SND1: variants seen among roughly 807,000 people sequenced by gnomAD.
SND1 encodes the protein staphylococcal nuclease and tudor domain containing 1, also known as staphylococcal nuclease domain-containing protein 1.
Under a neutral mutation model 121.7 loss-of-function variants are expected in SND1, and 38 were observed. The ratio of observed to expected loss-of-function variants is 0.31; its 90% CI spans 0.24 to 0.41. The LOEUF is 0.41. SND1 is among the 10% of genes least tolerant of loss of function. The probability of loss-of-function intolerance (pLI) is 1.00; values close to 1 mark genes in which losing one functional copy is unlikely to be tolerated. For synonymous variants in SND1, 401 were observed against 447.4 expected (o/e 0.90, Z 1.31); for missense variants, 868 against 1,184.6 (o/e 0.73, Z 3.92).
At chr7:127,830,537 A>G (rs1271212589) in intron 11 of SND1, among the ~76,000 whole-genome samples, 1 of 152,104 alleles carries the variant, frequency 6.6e-6, no homozygotes, top group Admixed American at 6.6e-5. Flanking sequence ...GGATTACATC[A>G]TATTTATCAT....
chr7:127,865,206 G>A (rs1764270150), intron 12 of SND1, among the ~76,000 whole-genome samples: 1 of 152,150 alleles, frequency 6.6e-6, no homozygotes, highest in African/African-American at 2.4e-5. Flanking sequence ...ACATATGGTG[G>A]GTTCCTTCAA....
intron 9 of SND1, among the ~76,000 whole-genome samples, chr7:127,709,004 A>G (rs1796253630): frequency 6.6e-6 from 1 of 152,102 alleles, no homozygotes; most frequent in Non-Finnish European, 1.5e-5. Flanking sequence ...ATGATGCCCA[A>G]AGTAATAGGT....
intron 10 of SND1, among the ~76,000 whole-genome samples, chr7:127,747,268 C>T (rs749936184): frequency 3.3e-5 from 5 of 152,170 alleles, no homozygotes; most frequent in Non-Finnish European, 5.9e-5. Flanking sequence ...GTCAAAGGCC[C>T]TGGATCCTAT....
At chr7:127,821,519 T>C (rs1798548717) in intron 11 of SND1, among the ~76,000 whole-genome samples, 1 of 152,236 alleles carries the variant, frequency 6.6e-6, no homozygotes, top group Admixed American at 6.5e-5. Context: ...CTCTGTGTCC[T>C]TGTTTTTTTC....
intron 16 of SND1, among the ~76,000 whole-genome samples, chr7:128,050,067 G>C (rs774612386): frequency 3.9e-5 from 6 of 152,168 alleles, no homozygotes; most frequent in Non-Finnish European, 8.8e-5. Flanking sequence ...CTGGGTTTTC[G>C]TAAGAAGACT....
intron 11 of SND1, among the ~76,000 whole-genome samples, chr7:127,828,887 G>A (rs1159179827): frequency 6.6e-6 from 1 of 152,012 alleles, no homozygotes; most frequent in African/African-American, 2.4e-5. Flanking sequence ...GAGCTCCCTG[G>A]GTCATTTTTG....
At chr7:128,030,756 G>C in intron 16 of SND1, 1 of 1,310,834 alleles carries the variant, frequency 7.6e-7, no homozygotes, top group African/African-American at 1.5e-5. Flanking sequence ...GAAGGAGGTG[G>C]GGAGGGGGCG....
chr7:128,006,132 C>T (rs1360571474), intron 16 of SND1, among the ~76,000 whole-genome samples: 1 of 152,120 alleles, frequency 6.6e-6, no homozygotes, highest in East Asian at 1.9e-4. Context: ...AGGAAGTGTT[C>T]TTGTTCTTAG....
chr7:127,656,648 G>A (rs1795214957), intron 1 of SND1, among the ~76,000 whole-genome samples: 1 of 152,162 alleles, frequency 6.6e-6, no homozygotes, highest in Admixed American at 6.5e-5. Context: ...GTTCAGTGGG[G>A]ACAGAGAAGT....
rs374381008 is a variant in SND1 at position 127,747,637 on chromosome 7, A to G, written c.1152+26237A>G. On this transcript the variant is annotated intron_variant, in intron 10 of 23. Coordinates refer to ENST00000354725, the MANE Select transcript of SND1 (RefSeq NM_014390.4). ...TCAGCACCTGGTTGTGACATATTTGACAAGACTGAACATCAGTGCTTTAAG... is the reference window on the plus strand; with the variant it reads ...TCAGCACCTGGTTGTGACATATTTGGCAAGACTGAACATCAGTGCTTTAAG... Among the ~76,000 whole-genome samples, 3 of 152,166 alleles carry G rather than the reference A, an allele frequency of 2.0e-5. No homozygotes were observed. The East Asian group carries it at 5.8e-4, about 29-fold the overall frequency.
chr7:127,880,313 T>G (rs1339040087), intron 12 of SND1, among the ~76,000 whole-genome samples: 2 of 152,162 alleles, frequency 1.3e-5, no homozygotes, highest in African/African-American at 2.4e-5. Flanking sequence ...AGGTTAAACT[T>G]TATTATAGGT....
chr7:127,818,932 T>C (rs1798496949), intron 11 of SND1, among the ~76,000 whole-genome samples: 1 of 152,210 alleles, frequency 6.6e-6, no homozygotes, highest in Non-Finnish European at 1.5e-5. Context: ...CACGTGCAGC[T>C]AGAGAGCTGG....
intron 11 of SND1, among the ~76,000 whole-genome samples, chr7:127,832,368 T>C (rs1287154888): frequency 1.3e-5 from 2 of 152,162 alleles, no homozygotes; most frequent in African/African-American, 2.4e-5. Flanking sequence ...TTTAGACTCC[T>C]GCCAACAGTG....
At chr7:127,659,155 T>C (rs1212640775) in intron 1 of SND1, among the ~76,000 whole-genome samples, 1 of 152,256 alleles carries the variant, frequency 6.6e-6, no homozygotes, top group African/African-American at 2.4e-5. Context: ...ACCCGGTTTC[T>C]GTTGCTACTT....
At chr7:127,926,639 G>A (rs893920525) in intron 14 of SND1, among the ~76,000 whole-genome samples, 17 of 131,994 alleles carry the variant, frequency 1.3e-4, no homozygotes, top group Admixed American at 1.8e-4. Context: ...TGCAAGCTCC[G>A]CCTCTCAGGT....
intron 10 of SND1, among the ~76,000 whole-genome samples, chr7:127,739,280 T>G (rs1377045379): frequency 1.3e-5 from 2 of 152,268 alleles, no homozygotes; most frequent in Non-Finnish European, 2.9e-5. Flanking sequence ...TTGGAAAGTA[T>G]AATATTTTTA....
At chr7:127,825,934 G>A (rs1798635467) in intron 11 of SND1, among the ~76,000 whole-genome samples, 1 of 152,086 alleles carries the variant, frequency 6.6e-6, no homozygotes, top group Non-Finnish European at 1.5e-5. Context: ...GCTCATGCCT[G>A]TAATCCCAGC....
chr7:127,782,182 A>G (rs1396331663), intron 10 of SND1, among the ~76,000 whole-genome samples: 1 of 152,162 alleles, frequency 6.6e-6, no homozygotes, highest in Non-Finnish European at 1.5e-5. Flanking sequence ...GTCTCTCCCA[A>G]GCAGGGGAGA....
Position 127,917,250 on chromosome 7 carries a change from A to G in SND1, c.1528-11938A>G, listed in dbSNP as rs146454406. On this transcript the variant is annotated intron_variant, in intron 14 of 23. Transcript: ENST00000354725. ...GTAAGATTAATTCTATATTTTCCTT[A>G]AGAAGAATTAGAATTCCCAAATACA... is the stretch of plus-strand genomic sequence containing the variant. 2.4e-3 allele frequency among the ~76,000 whole-genome samples: 365 copies of G among 152,346 alleles called. 1 individual carries two copies. The highest frequency in any genetic ancestry group is 0.024 in the Middle Eastern group (7 of 294).
Sources: allele counts gnomAD v4.1 joint callset (sites outside exome capture counted in the v4.1 genomes callset), GRCh38; gene constraint gnomAD v4.1.1; transcripts MANE v1.5; gene names NCBI Gene and HGNC (gene_info 2026-07-23, HGNC 2026-07-21).